PAN3: variants seen among roughly 807,000 people sequenced by gnomAD.
PAN3 encodes the protein poly(A) specific ribonuclease subunit PAN3.
Under a neutral mutation model 96.2 loss-of-function variants are expected in PAN3, and 19 were observed. That is an observed-to-expected ratio of 0.20 (90% CI 0.14 to 0.29). The LOEUF (loss-of-function observed/expected upper bound fraction) is 0.29, where lower values mean the gene tolerates loss of function less well. Ranked by LOEUF, PAN3 falls within the 10% of genes least tolerant of loss-of-function variation. The pLI, the probability that PAN3 is intolerant of heterozygous loss-of-function variation, is 1.00. For missense variants in PAN3, 882 were observed against 1,108.1 expected, an observed-to-expected ratio of 0.80 and a Z score of 2.90; for synonymous variants, 433 against 406.6, an observed-to-expected ratio of 1.06 and a Z score of -0.78.
chr13:28,281,305 T>A lies in PAN3; in HGVS notation c.2320-10T>A. 6.2e-7 allele frequency: 1 copy of A among 1,605,134 alleles called. No homozygotes were observed. Among genetic ancestry groups the A allele is most frequent in the Non-Finnish European group, 8.5e-7 (1 of 1,175,076 alleles). ...CATTAACATTTTTCTCTTTTTAAAATGTTTTATAGGAGGTTCAAAATGGAA... is the reference window on the plus strand; with the variant it reads ...CATTAACATTTTTCTCTTTTTAAAAAGTTTTATAGGAGGTTCAAAATGGAA... On this transcript the variant is annotated splice_polypyrimidine_tract_variant and intron_variant, in intron 16 of 18. Transcript: ENST00000380958.
Position 28,138,693 on chromosome 13 carries a change from C to A in PAN3, c.36C>A (p.Ala12=). 9.5e-7 allele frequency: 1 copy of A among 1,054,892 alleles called. No homozygotes were observed. The highest frequency in any genetic ancestry group is 2.5e-5 in the South Asian group (1 of 40,432). 65.3% of individuals were successfully genotyped at this position (1,054,892 alleles called of 1,614,324 possible). ...NSGGGLPPPS[A]AASPSSSSLA... The stretch of plus-strand genomic sequence containing the variant: ...GCGGCGGCCTCCCGCCCCCCTCGGC[C>A]GCCGCCTCCCCTTCCTCCTCCTCGC... The change falls in exon 1 of 19, where the codon GCC becomes GCA. Residue 12 remains alanine, a synonymous_variant. Coordinates refer to ENST00000380958, the MANE Select transcript of PAN3 (RefSeq NM_175854.8).
intron 5 of PAN3, among the ~76,000 whole-genome samples, chr13:28,208,724 C>T (rs894279770): frequency 3.3e-5 from 5 of 152,012 alleles, no homozygotes; most frequent in African/African-American, 7.3e-5. Flanking sequence ...TGCACACATC[C>T]GGTTTTATTT....
chr13:28,242,081 G>T (rs1402451593), intron 6 of PAN3, among the ~76,000 whole-genome samples: 1 of 152,192 alleles, frequency 6.6e-6, no homozygotes, highest in Non-Finnish European at 1.5e-5. Flanking sequence ...CTAGAGTAAT[G>T]AGACTTTGTC....
chr13:28,190,364 T>C (rs1422103696), intron 4 of PAN3, among the ~76,000 whole-genome samples: 1 of 151,896 alleles, frequency 6.6e-6, no homozygotes, highest in Non-Finnish European at 1.5e-5. Flanking sequence ...CACTTCAGCC[T>C]CCTGAATAGC....
intron 13 of PAN3, 133 bp from the exon 14 acceptor site, chr13:28,271,848 G>GT: frequency 1.9e-6 from 1 of 531,570 alleles, no homozygotes; most frequent in Non-Finnish European, 3.2e-6. Flanking sequence ...TGGAGGTGGT[G>GT]TGGGGTAGGA....
In PAN3 at chr13:28,281,254, T is replaced by A. The variant is rs148276406; in HGVS notation, c.2320-61T>A. 0.018 allele frequency: 24,141 copies of A among 1,348,148 alleles called. 290 individuals carry two copies. The highest frequency in any genetic ancestry group is 0.022 in the Non-Finnish European group (21,420 of 953,682). The allele number at this position is 1,348,148 out of a possible 1,614,324, so 83.5% of individuals were successfully genotyped here. ...ACAGGTTACCAGTTTTTGTAAATTT[T>A]GGCTTTTATGTTCAGTTATCTGGAA... On this transcript the variant is annotated intron_variant, in intron 16 of 18. Transcript: ENST00000380958.
chr13:28,270,135 C>T (rs1381122346), intron 12 of PAN3, among the ~76,000 whole-genome samples: 1 of 152,168 alleles, frequency 6.6e-6, no homozygotes, highest in East Asian at 1.9e-4. Context: ...GTCTCCTTTT[C>T]TACTGATTTA....
At chr13:28,289,348 C>G (rs1869408719) in intron 18 of PAN3, among the ~76,000 whole-genome samples, 1 of 152,076 alleles carries the variant, frequency 6.6e-6, no homozygotes, top group Non-Finnish European at 1.5e-5. Context: ...TTATGGCTCA[C>G]TGCAGCCTTG....
intron 6 of PAN3, among the ~76,000 whole-genome samples, chr13:28,220,880 A>C (rs1881332383): frequency 6.6e-6 from 1 of 152,182 alleles, no homozygotes; most frequent in Non-Finnish European, 1.5e-5. Flanking sequence ...TATAAACAGT[A>C]GTAGGAAAAA....
At chr13:28,171,860 A>AGGGCTT (rs1279181214) in intron 1 of PAN3, among the ~76,000 whole-genome samples, 4 of 152,168 alleles carry the variant, frequency 2.6e-5, no homozygotes, top group Non-Finnish European at 4.4e-5. Context: ...ACTGGTAATC[A>AGGGCTT]GGGCTTGGTC....
chr13:28,192,930 T>C (rs9582014), intron 4 of PAN3, among the ~76,000 whole-genome samples: 13,797 of 152,244 alleles, frequency 0.091, 796 homozygotes, highest in African/African-American at 0.16. Context: ...TTTTCAGATG[T>C]TATTTTGTAT....
chr13:28,201,789 C>T (rs1242735062), intron 5 of PAN3, among the ~76,000 whole-genome samples: 1 of 152,088 alleles, frequency 6.6e-6, no homozygotes, highest in Non-Finnish European at 1.5e-5. Flanking sequence ...TCTTGTATGT[C>T]ATTGATTCTG....
Position 28,215,487 on chromosome 13 carries a change from T to C in PAN3, c.853-4744T>C, listed in dbSNP as rs1467953953. ...AAGATGTTCGTTGGGGGAGTGTTGC[T>C]GTTGACAGCAAAAATGACCCACGAA... On this transcript the variant is annotated intron_variant, in intron 5 of 18. Transcript: ENST00000380958. The C allele has an allele frequency of 4.7e-5, 32 of 684,062 alleles. 1 individual carries two copies. Among genetic ancestry groups the C allele is most frequent in the Non-Finnish European group, 2.7e-6 (1 of 371,610 alleles). The allele number at this position is 684,062 out of a possible 1,614,324, so 42.4% of individuals were successfully genotyped here. A position where few individuals can be genotyped will look rare whatever the true frequency, so the allele number is the denominator to read the frequency against.
chr13:28,205,026 T>A (rs1260215570), intron 5 of PAN3, among the ~76,000 whole-genome samples: 1 of 152,218 alleles, frequency 6.6e-6, no homozygotes, highest in Non-Finnish European at 1.5e-5. Flanking sequence ...ATTATAAGAA[T>A]GCTTACATTA....
intron 7 of PAN3, among the ~76,000 whole-genome samples, chr13:28,259,131 ATT>A (rs546959673): frequency 2.8e-5 from 4 of 144,866 alleles, no homozygotes; most frequent in Non-Finnish European, 1.5e-5. Flanking sequence ...TTCTCATTAG[ATT>A]TTTTTTTTTT....
chr13:28,292,258 C>A, intron 18 of PAN3, 124 bp from the exon 19 acceptor site: 1 of 963,902 alleles, frequency 1.0e-6, no homozygotes, highest in East Asian at 2.7e-5. Context: ...TAAATGTACT[C>A]ATGGATATCT....
In PAN3 at chr13:28,235,904, A is replaced by G. The variant is rs933932124; in HGVS notation, c.1000+15526A>G. Among the ~76,000 whole-genome samples the G allele has an allele frequency of 7.6e-4, 96 of 126,400 alleles. 1 individual carries two copies. Among genetic ancestry groups the G allele is most frequent in the Non-Finnish European group, 1.4e-3 (82 of 59,708 alleles). 82.9% of individuals were successfully genotyped at this position (126,400 alleles called of 152,430 possible). A position where few individuals can be genotyped will look rare whatever the true frequency, so the allele number is the denominator to read the frequency against. On this transcript the variant is annotated intron_variant, in intron 6 of 18. Coordinates refer to ENST00000380958, the MANE Select transcript of PAN3 (RefSeq NM_175854.8). ...TTTTTAAATTTTTTTTTTTTTTTTT[A>G]TGGAGTTGTGGTTGCTACAGGCTGG...
intron 1 of PAN3, among the ~76,000 whole-genome samples, chr13:28,146,117 G>A (rs1870594778): frequency 6.6e-6 from 1 of 151,940 alleles, no homozygotes; most frequent in African/African-American, 2.4e-5. Flanking sequence ...CATTGGAATA[G>A]AAGTGTATAA....
At chr13:28,148,198 C>T (rs1408779451) in intron 1 of PAN3, among the ~76,000 whole-genome samples, 1 of 152,008 alleles carries the variant, frequency 6.6e-6, no homozygotes, top group Non-Finnish European at 1.5e-5. Context: ...TCAAGTGATC[C>T]TCCTGTCTTG....
Sources: gnomAD v4.1 joint callset for allele counts (sites outside exome capture counted in the v4.1 genomes callset) on GRCh38, gnomAD v4.1.1 for gene constraint, MANE v1.5 for transcripts, NCBI Gene and HGNC (gene_info 2026-07-23, HGNC 2026-07-21) for gene names.